The following PALLD variants were observed in gnomAD, a reference collection of about 807,000 sequenced individuals.
PALLD encodes the protein palladin, cytoskeletal associated protein, also known as palladin.
PALLD carries 61 observed loss-of-function variants against 123.5 expected under a neutral mutation model. The ratio of observed to expected loss-of-function variants is 0.49; its 90% confidence interval spans 0.40 to 0.61. The LOEUF (loss-of-function observed/expected upper bound fraction) is 0.61. Among genes scored for constraint, PALLD ranks in the 20% least tolerant of loss-of-function variants. The pLI is 0.00. For missense variants in PALLD, 1,273 were observed against 1,377.0 expected (o/e 0.92, Z 1.20); for synonymous variants, 465 against 496.4 (o/e 0.94, Z 0.84).
At position 168,542,432 on chromosome 4, in the gene PALLD, A is replaced by T. The variant is rs187294973; in HGVS notation, c.908+30020A>T. The stretch of plus-strand genomic sequence containing the variant: ...AAAGAAAATTTTTTAAAATAAATTA[A>T]AAAAAAAACTGCTGCACCCTATTAA... On this transcript the variant is annotated intron_variant, in intron 2 of 21. Transcript: ENST00000505667. Among the ~76,000 whole-genome samples, 681 of 150,828 alleles carry T rather than the reference A, an allele frequency of 4.5e-3. 8 individuals carry two copies. The highest frequency in any genetic ancestry group is 0.014 in the African/African-American group (558 of 40,708).
chr4:168,536,210 G>C (rs1368586102), intron 2 of PALLD, among the ~76,000 whole-genome samples: 1 of 152,084 alleles, frequency 6.6e-6, no homozygotes. Context: ...ACTTCTGCCT[G>C]TCCTTTAACC....
chr4:168,776,381 C>T (rs2150526228), intron 10 of PALLD, among the ~76,000 whole-genome samples: 1 of 152,324 alleles, frequency 6.6e-6, no homozygotes, highest in Admixed American at 6.5e-5. Flanking sequence ...TGCAACCTTA[C>T]CAAACTTATT....
intron 10 of PALLD, among the ~76,000 whole-genome samples, chr4:168,787,131 G>T (rs373067144): frequency 6.6e-6 from 1 of 152,152 alleles, no homozygotes; most frequent in Admixed American, 6.5e-5. Context: ...TGCCAGGAAG[G>T]TTTTCTTTTC....
chr4:168,594,797 C>T (rs1194115892), intron 2 of PALLD, among the ~76,000 whole-genome samples: 1 of 152,048 alleles, frequency 6.6e-6, no homozygotes, highest in Non-Finnish European at 1.5e-5. Flanking sequence ...GTGTTTGATC[C>T]TGTAACAAAT....
chr4:168,695,589 T>C (rs1783059764), intron 8 of PALLD, among the ~76,000 whole-genome samples: 1 of 152,194 alleles, frequency 6.6e-6, no homozygotes, highest in Non-Finnish European at 1.5e-5. Context: ...GAGTTTTTGA[T>C]GAGTGTGTGA....
intron 10 of PALLD, chr4:168,832,092 G>T (rs1561574057): frequency 2.1e-6 from 2 of 957,924 alleles, no homozygotes; most frequent in Admixed American, 1.2e-4. Flanking sequence ...CCCCGCGCCC[G>T]GTCCGCGGAG....
chr4:168,920,461 T>C (rs544310553), intron 17 of PALLD, among the ~76,000 whole-genome samples: 1 of 152,316 alleles, frequency 6.6e-6, no homozygotes, highest in African/African-American at 2.4e-5. Flanking sequence ...TTTTACAGTC[T>C]AAGTGACATC....
chr4:168,787,665 T>C (rs1408863870), intron 10 of PALLD, among the ~76,000 whole-genome samples: 9 of 152,264 alleles, frequency 5.9e-5, no homozygotes, highest in Admixed American at 5.9e-4. Context: ...GGTCTAAACC[T>C]AATTGCTGAG....
chr4:168,837,666 C>A (rs1745394524), intron 10 of PALLD, among the ~76,000 whole-genome samples: 1 of 152,206 alleles, frequency 6.6e-6, no homozygotes, highest in South Asian at 2.1e-4. Context: ...GCACTCCCAT[C>A]TTAAAAATGA....
At chr4:168,564,094 A>G (rs1188503081) in intron 2 of PALLD, among the ~76,000 whole-genome samples, 1 of 152,168 alleles carries the variant, frequency 6.6e-6, no homozygotes, top group Non-Finnish European at 1.5e-5. Flanking sequence ...AGAAGATGAG[A>G]GTTTTATTCT....
At chr4:168,594,688 A>G (rs887456615) in intron 2 of PALLD, among the ~76,000 whole-genome samples, 3 of 152,174 alleles carry the variant, frequency 2.0e-5, no homozygotes, top group African/African-American at 7.2e-5. Flanking sequence ...AAGATATTAT[A>G]TACAGATGGT....
intron 4 of PALLD, 134 bp from the exon 5 acceptor site, chr4:168,682,864 G>A: frequency 1.6e-6 from 1 of 614,850 alleles, no homozygotes; most frequent in Non-Finnish European, 2.9e-6. Flanking sequence ...TACAGTTGAA[G>A]CGGATTGCGT....
At chr4:168,561,030 C>G (rs1210988682) in intron 2 of PALLD, among the ~76,000 whole-genome samples, 1 of 152,068 alleles carries the variant, frequency 6.6e-6, no homozygotes, top group African/African-American at 2.4e-5. Context: ...AAGAGGGAGG[C>G]ATTTCAGTGC....
chr4:168,626,400 CAAAAA>C (rs374572213), intron 2 of PALLD, among the ~76,000 whole-genome samples: 7 of 98,866 alleles, frequency 7.1e-5, no homozygotes, highest in Non-Finnish European at 7.9e-5. Context: ...GACTCCATCT[CAAAAA>C]AAAAAAAAAA....
chr4:168,712,058 G>C, intron 10 of PALLD, 135 bp downstream of exon 10: 1 of 726,480 alleles, frequency 1.4e-6, no homozygotes, highest in Non-Finnish European at 2.4e-6. Flanking sequence ...CTGCCAAGTG[G>C]TGTCTTTCAA....
chr4:168,675,415 A>G (rs1780735517), intron 3 of PALLD, among the ~76,000 whole-genome samples: 1 of 152,196 alleles, frequency 6.6e-6, no homozygotes, highest in African/African-American at 2.4e-5. Flanking sequence ...GAAATGTGGA[A>G]TTGTTCCTGG....
chr4:168,630,660 G>C (rs1007096557), intron 2 of PALLD, among the ~76,000 whole-genome samples: 1 of 152,042 alleles, frequency 6.6e-6, no homozygotes, highest in Non-Finnish European at 1.5e-5. Flanking sequence ...TATTTCATAG[G>C]CTCCATTAAA....
At chr4:168,548,791 G>A (rs970984432) in intron 2 of PALLD, among the ~76,000 whole-genome samples, 4 of 152,154 alleles carry the variant, frequency 2.6e-5, no homozygotes, top group East Asian at 1.9e-4. Flanking sequence ...AATTATTACC[G>A]TAAATGATTT....
At chr4:168,917,575 A>G (rs1760456014) in intron 17 of PALLD, among the ~76,000 whole-genome samples, 1 of 152,194 alleles carries the variant, frequency 6.6e-6, no homozygotes, top group Non-Finnish European at 1.5e-5. Flanking sequence ...AATATGGATA[A>G]GGTTTTAAAA....
Sources: allele counts gnomAD v4.1 joint callset (sites outside exome capture counted in the v4.1 genomes callset), GRCh38; gene constraint gnomAD v4.1.1; transcripts MANE v1.5; gene names NCBI Gene and HGNC (gene_info 2026-07-23, HGNC 2026-07-21).